The following SAMD4A variants were observed in gnomAD, a reference collection of about 807,000 sequenced individuals.
The protein encoded by SAMD4A is protein Smaug homolog 1.
A neutral mutation model predicts 81.3 loss-of-function variants in SAMD4A; 33 were observed. That is an observed-to-expected ratio of 0.41 (90% CI 0.31 to 0.54). The LOEUF (loss-of-function observed/expected upper bound fraction) is 0.54. Among genes scored for constraint, SAMD4A ranks in the 20% least tolerant of loss-of-function variants. The pLI, the probability that SAMD4A is intolerant of heterozygous loss-of-function variation, is 0.37. For synonymous variants in SAMD4A, 389 were observed against 382.1 expected, an observed-to-expected ratio of 1.02 and a Z score of -0.21; for missense variants, 854 against 951.1, an observed-to-expected ratio of 0.90 and a Z score of 1.34.
At chr14:54,760,813 T>G (rs1421308009) in intron 7 of SAMD4A, among the ~76,000 whole-genome samples, 1 of 152,270 alleles carries the variant, frequency 6.6e-6, no homozygotes, top group East Asian at 1.9e-4. Context: ...TGGGAAGGAC[T>G]TCGAAAAAGA....
intron 2 of SAMD4A, among the ~76,000 whole-genome samples, chr14:54,592,004 G>A (rs1320578537): frequency 6.6e-6 from 1 of 151,932 alleles, no homozygotes; most frequent in Non-Finnish European, 1.5e-5. Context: ...TCCTCCATGT[G>A]TGCGTGCCTT....
In SAMD4A at chr14:54,770,574, G is replaced by A. The variant is rs1359260591; in HGVS notation, c.1715+352G>A. Among the ~76,000 whole-genome samples the A allele has an allele frequency of 2.0e-5, 3 of 152,154 alleles. No individual in the cohort carries two copies. The East Asian group carries it at 5.8e-4, about 29-fold the overall frequency. On this transcript the variant is annotated intron_variant, in intron 9 of 12. Coordinates refer to ENST00000554335, the MANE Select transcript of SAMD4A (RefSeq NM_015589.6). ...GGGGGATCTGAAAGGATAAAAATGG[G>A]TTGTTCTATCAATCAGCACCTTAAG...
At chr14:54,693,275 G>A (rs929321610) in intron 2 of SAMD4A, 2 of 152,182 alleles carry the variant, frequency 1.3e-5, no homozygotes, top group African/African-American at 4.8e-5. Flanking sequence ...GTTTGTGTGT[G>A]ACAGTTGGTA....
intron 3 of SAMD4A, among the ~76,000 whole-genome samples, chr14:54,713,828 T>C (rs1252741127): frequency 6.6e-6 from 1 of 152,208 alleles, no homozygotes; most frequent in African/African-American, 2.4e-5. Flanking sequence ...AATGAGGCAG[T>C]CTTGATTAAG....
At chr14:54,768,951 A>G (rs1355742535) in intron 8 of SAMD4A, among the ~76,000 whole-genome samples, 1 of 152,148 alleles carries the variant, frequency 6.6e-6, no homozygotes. Flanking sequence ...TGTTTCCTTT[A>G]TGGGAACTAG....
chr14:54,776,633 G>C, intron 11 of SAMD4A, 93 bp downstream of exon 11: 1 of 1,326,120 alleles, frequency 7.5e-7, no homozygotes, highest in South Asian at 1.8e-5. Flanking sequence ...AGCCTCGACT[G>C]TCACCGTGCA....
intron 2 of SAMD4A, among the ~76,000 whole-genome samples, chr14:54,568,717 AT>A (rs2033033810): frequency 1.6e-5 from 2 of 126,122 alleles, no homozygotes; most frequent in South Asian, 2.7e-4. Context: ...ATATATATAT[AT>A]ATATATATAT....
chr14:54,687,205 C>T (rs915403793), intron 2 of SAMD4A: 1 of 375,450 alleles, frequency 2.7e-6, no homozygotes, highest in Non-Finnish European at 5.2e-6. Flanking sequence ...ATTTTCTCAG[C>T]ACTGTTCCTC....
intron 2 of SAMD4A, chr14:54,688,241 T>C: frequency 1.0e-6 from 1 of 985,476 alleles, no homozygotes; most frequent in Non-Finnish European, 1.2e-6. Flanking sequence ...GGGTTCATCG[T>C]CAGACCAGTG....
chr14:54,568,737 A>G (rs1566524877), intron 2 of SAMD4A, among the ~76,000 whole-genome samples: 1 of 101,198 alleles, frequency 9.9e-6, no homozygotes, highest in African/African-American at 3.9e-5. Flanking sequence ...ATATATATAT[A>G]TATAATGCGG....
intron 2 of SAMD4A, among the ~76,000 whole-genome samples, chr14:54,648,209 A>C (rs2035325783): frequency 6.6e-6 from 1 of 152,214 alleles, no homozygotes; most frequent in Non-Finnish European, 1.5e-5. Context: ...TAGCAATAGG[A>C]GGAAACTAAG....
rs1397385657 is a variant in SAMD4A, at chr14:54,760,233, G to A, written c.1249G>A (p.Ala417Thr). 6.2e-7 allele frequency: 1 copy of A among 1,613,316 alleles called. No homozygotes were observed. The highest frequency in any genetic ancestry group is 1.7e-5 in the Admixed American group (1 of 60,008). Residue 417 changes from alanine (A) to threonine (T), a missense_variant, in exon 7 of 13, where the codon GCC becomes ACC. Physicochemically the swap from Ala to Thr is moderately conservative, Grantham distance 58. This residue lies in a region of SAMD4A where 428 missense variants were observed against 471.2 expected (regional missense o/e 0.91). Transcript: ENST00000554335. ...LHQMILTPIK[A>T]YSSPSTTPEA... Reference sequence around the variant, plus strand: ...CCAGATGATCCTGACTCCGATCAAGGCCTACAGCTCCCCGAGCACCACCCC... The same window carrying A: ...CCAGATGATCCTGACTCCGATCAAGACCTACAGCTCCCCGAGCACCACCCC...
chr14:54,664,033 C>G lies in SAMD4A; in HGVS notation c.197-38029C>G, dbSNP rs553728596. Among the ~76,000 whole-genome samples, 199 of 152,194 alleles carry G rather than the reference C, an allele frequency of 1.3e-3. 1 individual carries two copies. Among genetic ancestry groups the G allele is most frequent in the African/African-American group, 4.5e-3 (188 of 41,528 alleles). ...GCTGTCTCGAAAATTATATTGTTGCCTTGAAAAGACTTGTTAATGATGAAT... is the reference window on the plus strand; with the variant it reads ...GCTGTCTCGAAAATTATATTGTTGCGTTGAAAAGACTTGTTAATGATGAAT... On this transcript the variant is annotated intron_variant, in intron 2 of 12. Transcript: ENST00000554335.
At chr14:54,615,349 T>G (rs185243370) in intron 2 of SAMD4A, among the ~76,000 whole-genome samples, 1 of 152,348 alleles carries the variant, frequency 6.6e-6, no homozygotes, top group East Asian at 1.9e-4. Context: ...TTCTATTCCT[T>G]TTCCTAACAA....
intron 2 of SAMD4A, among the ~76,000 whole-genome samples, chr14:54,689,185 A>G (rs1394029064): frequency 6.6e-6 from 1 of 152,056 alleles, no homozygotes. Context: ...CACCCACCTC[A>G]GCCTCCCAAA....
intron 2 of SAMD4A, among the ~76,000 whole-genome samples, chr14:54,587,017 C>T (rs1490779703): frequency 6.6e-6 from 1 of 152,024 alleles, no homozygotes; most frequent in Non-Finnish European, 1.5e-5. Flanking sequence ...TTGCTTTTGG[C>T]AGTATGGTCA....
At chr14:54,602,696 A>C (rs1363473182) in intron 2 of SAMD4A, among the ~76,000 whole-genome samples, 2 of 152,050 alleles carry the variant, frequency 1.3e-5, no homozygotes, top group Non-Finnish European at 2.9e-5. Context: ...TACCTAATGT[A>C]AATGATGAGT....
chr14:54,636,463 A>G (rs1415251506), intron 2 of SAMD4A, among the ~76,000 whole-genome samples: 1 of 152,172 alleles, frequency 6.6e-6, no homozygotes, highest in African/African-American at 2.4e-5. Flanking sequence ...TTTGAGCAGA[A>G]AAGTGGCATG....
intron 2 of SAMD4A, among the ~76,000 whole-genome samples, chr14:54,595,542 A>C (rs1359428215): frequency 6.6e-6 from 1 of 151,796 alleles, no homozygotes; most frequent in East Asian, 1.9e-4. Flanking sequence ...TCCTAACTAC[A>C]ATACAAGGAA....
Sources: allele counts gnomAD v4.1 joint callset (sites outside exome capture counted in the v4.1 genomes callset), GRCh38; gene constraint gnomAD v4.1.1; regional missense constraint gnomAD v4.1.1; transcripts MANE v1.5; gene names NCBI Gene and HGNC (gene_info 2026-07-23, HGNC 2026-07-21).